BDNF: variants seen among roughly 807,000 people sequenced by gnomAD.
The protein encoded by BDNF is neurotrophic factor BDNF precursor form.
A neutral mutation model predicts 19.5 loss-of-function variants in BDNF; 1 was observed. The ratio of observed to expected loss-of-function variants is 0.05; its 90% CI spans 0.02 to 0.24. The LOEUF (loss-of-function observed/expected upper bound fraction) is 0.24. Among genes scored for constraint, BDNF ranks in the 10% least tolerant of loss-of-function variants. The probability of loss-of-function intolerance (pLI) is 1.00; values close to 1 mark genes in which losing one functional copy is unlikely to be tolerated. For missense variants in BDNF, 195 were observed against 317.6 expected (o/e 0.61, Z 2.93); for synonymous variants, 100 against 121.6 (o/e 0.82, Z 1.17).
rs972614033 is a variant in BDNF at position 27,672,445 on chromosome 11, G to T, written c.-21-13860C>A. Among the ~76,000 whole-genome samples, 3 of 151,978 alleles carry T rather than the reference G, an allele frequency of 2.0e-5. No homozygotes were observed. In the South Asian group the frequency reaches 6.2e-4, roughly 32 times the overall value. On this transcript the variant is annotated intron_variant, in intron 1 of 1. Coordinates refer to ENST00000356660, the MANE Select transcript of BDNF (RefSeq NM_001709.5). ...TCTCTGGTCCTTGTGAGTTCCTTTC[G>T]TCCTTAATGGTGAAATAGCAACAGA...
chr11:27,693,071 T>A (rs1441950117), intron 1 of BDNF, among the ~76,000 whole-genome samples: 1 of 152,198 alleles, frequency 6.6e-6, no homozygotes, highest in Non-Finnish European at 1.5e-5. Context: ...TCAAATTCCC[T>A]ATGCATCCTG....
chr11:27,694,137 C>T (rs569521932), intron 1 of BDNF, among the ~76,000 whole-genome samples: 4 of 152,140 alleles, frequency 2.6e-5, no homozygotes, highest in African/African-American at 4.8e-5. Flanking sequence ...GAAGCACAGT[C>T]GCTGGCATCT....
chr11:27,720,530 G>T, intron 1 of BDNF: 1 of 985,752 alleles, frequency 1.0e-6, no homozygotes, highest in Non-Finnish European at 1.2e-6. Context: ...CAAACGCTCC[G>T]CTCCAAAATC....
At chr11:27,716,513 C>T (rs1003286901) in intron 1 of BDNF, among the ~76,000 whole-genome samples, 2 of 150,130 alleles carry the variant, frequency 1.3e-5, no homozygotes, top group Non-Finnish European at 3.0e-5. Context: ...GAGAAAGACA[C>T]CAGCCAAAGA....
At chr11:27,670,893 C>T (rs1855246663) in intron 1 of BDNF, among the ~76,000 whole-genome samples, 1 of 152,180 alleles carries the variant, frequency 6.6e-6, no homozygotes, top group African/African-American at 2.4e-5. Flanking sequence ...TTGAGCCAGC[C>T]ATCCCATTAC....
chr11:27,666,464 T>C (rs749312661), intron 1 of BDNF, among the ~76,000 whole-genome samples: 2 of 152,084 alleles, frequency 1.3e-5, no homozygotes, highest in Non-Finnish European at 1.5e-5. Context: ...TGATCAGTAA[T>C]AACAAACTCC....
chr11:27,685,879 A>T (rs1231729443), intron 1 of BDNF, among the ~76,000 whole-genome samples: 2 of 152,176 alleles, frequency 1.3e-5, no homozygotes, highest in Non-Finnish European at 2.9e-5. Context: ...TATTCTGTTG[A>T]TATGGGGTGG....
chr11:27,696,783 T>C (rs1859056011), intron 1 of BDNF, among the ~76,000 whole-genome samples: 1 of 152,228 alleles, frequency 6.6e-6, no homozygotes, highest in African/African-American at 2.4e-5. Context: ...AATTGAACTC[T>C]TCCACACAGG....
chr11:27,710,928 GA>G (rs1267239999), intron 1 of BDNF, among the ~76,000 whole-genome samples: 1 of 152,200 alleles, frequency 6.6e-6, no homozygotes, highest in African/African-American at 2.4e-5. Flanking sequence ...GTGGAAGGAA[GA>G]ACATGCAGGT....
intron 1 of BDNF, among the ~76,000 whole-genome samples, chr11:27,712,667 C>T (rs1185957801): frequency 1.3e-5 from 2 of 151,986 alleles, no homozygotes; most frequent in Admixed American, 1.3e-4. Context: ...AGGTACATGC[C>T]ACCACGCCCA....
upstream of BDNF, chr11:27,701,075 G>A (rs368334830): frequency 1.1e-5 from 15 of 1,336,776 alleles, no homozygotes; most frequent in Non-Finnish European, 1.5e-5. Flanking sequence ...AAACACGCCG[G>A]CTTAAACAGA....
chr11:27,687,242 G>GT, intron 1 of BDNF, among the ~76,000 whole-genome samples: 2 of 152,264 alleles, frequency 1.3e-5, no homozygotes, highest in East Asian at 3.9e-4. Context: ...CTCGTGCTGT[G>GT]TTTTTCAGCT....
intron 1 of BDNF, chr11:27,719,575 C>A: frequency 1.0e-6 from 1 of 985,180 alleles, no homozygotes; most frequent in Non-Finnish European, 1.2e-6. Flanking sequence ...CTCCCCTTCC[C>A]TTGAGAAAGC....
At chr11:27,698,982 AC>A (rs1859540743) in intron 1 of BDNF, among the ~76,000 whole-genome samples, 1 of 152,026 alleles carries the variant, frequency 6.6e-6, no homozygotes, top group Admixed American at 6.6e-5. Flanking sequence ...TCCACCGACG[AC>A]GAGTCGCACG....
chr11:27,719,830 C>T (rs899746921), intron 1 of BDNF: 1 of 209,236 alleles, frequency 4.8e-6, no homozygotes, highest in Non-Finnish European at 8.3e-6. Context: ...ACTAGAAGAG[C>T]TGAAATTACC....
At chr11:27,700,675 C>T (rs2134088028), upstream of BDNF, 1 of 1,130,658 alleles carries the variant, frequency 8.8e-7, no homozygotes, top group Non-Finnish European at 1.1e-6. Flanking sequence ...CCTGTCCTCA[C>T]CTCCTCCCCT....
At chr11:27,666,478 G>A (rs1392914380) in intron 1 of BDNF, among the ~76,000 whole-genome samples, 2 of 152,160 alleles carry the variant, frequency 1.3e-5, no homozygotes, top group African/African-American at 4.8e-5. Flanking sequence ...AAACTCCTCC[G>A]AGCTAAAGGA....
intron 1 of BDNF, chr11:27,719,401 C>T: frequency 1.1e-6 from 1 of 948,816 alleles, no homozygotes; most frequent in Non-Finnish European, 1.3e-6. Flanking sequence ...CCGCCTCCAG[C>T]CGCCCAGGCC....
chr11:27,716,607 G>C (rs1301029223), intron 1 of BDNF, among the ~76,000 whole-genome samples: 1 of 152,160 alleles, frequency 6.6e-6, no homozygotes, highest in African/African-American at 2.4e-5. Flanking sequence ...TGAAAAGAAA[G>C]CTGCAAAAAT....
Sources: allele counts gnomAD v4.1 joint callset (sites outside exome capture counted in the v4.1 genomes callset), GRCh38; gene constraint gnomAD v4.1.1; transcripts MANE v1.5; gene names NCBI Gene and HGNC (gene_info 2026-07-23, HGNC 2026-07-21).